The following GPR39 variants were observed in gnomAD, a reference collection of about 807,000 sequenced individuals.
The protein encoded by GPR39 is G protein-coupled receptor 39, also known as zinc sensing receptor.
GPR39 carries 23 observed loss-of-function variants against 18.4 expected under a neutral mutation model. The ratio of observed to expected loss-of-function variants is 1.25; its 90% confidence interval spans 0.90 to 1.77. The LOEUF is 1.77. Ranked by LOEUF, GPR39 falls within the 40% of genes most tolerant of loss-of-function variation. The probability of loss-of-function intolerance (pLI) is 0.00; values close to 1 mark genes in which losing one functional copy is unlikely to be tolerated. For missense variants in GPR39, 647 were observed against 602.4 expected (o/e 1.07, Z -0.78); for synonymous variants, 280 against 257.9 (o/e 1.09, Z -0.82).
At chr2:132,421,139 G>A (rs778743696) in intron 1 of GPR39, among the ~76,000 whole-genome samples, 1 of 152,186 alleles carries the variant, frequency 6.6e-6, no homozygotes, top group Non-Finnish European at 1.5e-5. Flanking sequence ...TCAATGATGA[G>A]GATGTGTAAA....
intron 1 of GPR39, among the ~76,000 whole-genome samples, chr2:132,558,447 C>CT (rs953330792): frequency 5.3e-5 from 8 of 152,196 alleles, no homozygotes; most frequent in South Asian, 4.2e-4. Flanking sequence ...AGGGTGCATA[C>CT]TTTTTTGCTG....
intron 1 of GPR39, among the ~76,000 whole-genome samples, chr2:132,600,921 AT>A (rs1681032315): frequency 6.6e-6 from 1 of 152,080 alleles, no homozygotes; most frequent in Admixed American, 6.5e-5. Context: ...CCAATAAGTA[AT>A]TTTTCTTCTC....
chr2:132,607,987 G>A (rs1192177159), intron 1 of GPR39, among the ~76,000 whole-genome samples: 1 of 152,076 alleles, frequency 6.6e-6, no homozygotes, highest in Non-Finnish European at 1.5e-5. Flanking sequence ...GCAATTCTCT[G>A]GTTTTGGGCC....
At chr2:132,578,623 G>C (rs926794677) in intron 1 of GPR39, among the ~76,000 whole-genome samples, 4 of 152,054 alleles carry the variant, frequency 2.6e-5, no homozygotes, top group African/African-American at 9.7e-5. Flanking sequence ...AGAAACACTA[G>C]TATTTTCTTT....
chr2:132,492,538 CACCATATATAT>C, intron 1 of GPR39, among the ~76,000 whole-genome samples: 1 of 140,258 alleles, frequency 7.1e-6, no homozygotes, highest in Non-Finnish European at 1.5e-5. Flanking sequence ...CATATATATA[CACCATATATAT>C]ACACCATATA....
rs1187578336 is a variant in GPR39, at chr2:132,645,682, A to C, written c.*76A>C. 1 of 1,526,810 alleles carries C rather than the reference A, an allele frequency of 6.5e-7. No homozygotes were observed. Among genetic ancestry groups the C allele is most frequent in the Non-Finnish European group, 8.8e-7 (1 of 1,137,230 alleles). 94.6% of individuals were successfully genotyped at this position (1,526,810 alleles called of 1,614,324 possible). Reference sequence around the variant, plus strand: ...AACGTCACTCTCACTCTGCAGTCTCAAACTATGCCCCCATCAGGGATGGAA... The same window carrying C: ...AACGTCACTCTCACTCTGCAGTCTCCAACTATGCCCCCATCAGGGATGGAA... On this transcript the variant is annotated 3_prime_UTR_variant, in exon 2 of 2. Transcript: ENST00000329321.
intron 1 of GPR39, among the ~76,000 whole-genome samples, chr2:132,519,948 T>C (rs947658742): frequency 6.6e-6 from 1 of 152,176 alleles, no homozygotes; most frequent in Admixed American, 6.5e-5. Flanking sequence ...CACTCACTGC[T>C]AAAAGCACTT....
chr2:132,634,054 TG>T (rs1169175940), intron 1 of GPR39, among the ~76,000 whole-genome samples: 1 of 150,918 alleles, frequency 6.6e-6, no homozygotes, highest in Non-Finnish European at 1.5e-5. Flanking sequence ...ATGATGATGG[TG>T]GGGGTGGCAG....
chr2:132,480,722 A>G (rs1681217717), intron 1 of GPR39, among the ~76,000 whole-genome samples: 1 of 152,178 alleles, frequency 6.6e-6, no homozygotes, highest in Non-Finnish European at 1.5e-5. Context: ...GTGGGGAGAT[A>G]AGGAGTTTGG....
intron 1 of GPR39, among the ~76,000 whole-genome samples, chr2:132,553,357 A>ATGTATATG (rs1680088313): frequency 6.7e-6 from 1 of 149,082 alleles, no homozygotes; most frequent in East Asian, 2.0e-4. Flanking sequence ...GTATATATAT[A>ATGTATATG]TGTATATATG....
At chr2:132,439,169 T>C (rs572960600) in intron 1 of GPR39, among the ~76,000 whole-genome samples, 17 of 152,332 alleles carry the variant, frequency 1.1e-4, no homozygotes, top group African/African-American at 4.1e-4. Flanking sequence ...GAAATTTGAT[T>C]TAAAGCAGCA....
chr2:132,592,844 G>A (rs1414072370), intron 1 of GPR39, among the ~76,000 whole-genome samples: 1 of 152,092 alleles, frequency 6.6e-6, no homozygotes, highest in Non-Finnish European at 1.5e-5. Context: ...CTGGGGTTGG[G>A]CCAGACCCTA....
intron 1 of GPR39, among the ~76,000 whole-genome samples, chr2:132,452,571 G>A (rs1211466541): frequency 6.6e-6 from 1 of 152,002 alleles, no homozygotes; most frequent in Non-Finnish European, 1.5e-5. Context: ...TTGGTTTGCT[G>A]CACCAATCAA....
intron 1 of GPR39, among the ~76,000 whole-genome samples, chr2:132,454,685 G>A (rs1166350849): frequency 1.1e-4 from 16 of 152,086 alleles, no homozygotes; most frequent in Admixed American, 2.0e-4. Context: ...AGAGTTTTTA[G>A]CATGATGGGT....
rs6705945 is a variant in GPR39, at chr2:132,544,767, C to G, written c.857-100334C>G. 1.6e-4 allele frequency among the ~76,000 whole-genome samples: 24 copies of G among 152,236 alleles called. 1 individual carries two copies. Among genetic ancestry groups the G allele is most frequent in the African/African-American group, 5.5e-4 (23 of 41,538 alleles). On this transcript the variant is annotated intron_variant, in intron 1 of 1. Coordinates refer to ENST00000329321, the MANE Select transcript of GPR39 (RefSeq NM_001508.3). Reference sequence around the variant, plus strand: ...AGAAGAATGAGGTTATACTGACAATCCAAAGGGTGAGAAGGGCAGAGGACA... The same window carrying G: ...AGAAGAATGAGGTTATACTGACAATGCAAAGGGTGAGAAGGGCAGAGGACA...
In GPR39 at chr2:132,591,588, A is replaced by G. The variant is rs1359561338; in HGVS notation, c.857-53513A>G. Reference sequence around the variant, plus strand: ...AGTACTCCTTAATAAACTCCCTTTCATGTATACATCTATCCTATTAGCTTT... The same window carrying G: ...AGTACTCCTTAATAAACTCCCTTTCGTGTATACATCTATCCTATTAGCTTT... On this transcript the variant is annotated intron_variant, in intron 1 of 1. Transcript: ENST00000329321. 2.6e-5 allele frequency among the ~76,000 whole-genome samples: 4 copies of G among 152,272 alleles called. No homozygotes were observed. In the East Asian group the frequency reaches 5.8e-4, roughly 22 times the overall value.
chr2:132,628,564 C>A lies in GPR39; in HGVS notation c.857-16537C>A, dbSNP rs548575812. 8.5e-4 allele frequency among the ~76,000 whole-genome samples: 130 copies of A among 152,338 alleles called. 1 individual carries two copies. Among genetic ancestry groups the A allele is most frequent in the African/African-American group, 3.0e-3 (126 of 41,582 alleles). The stretch of plus-strand genomic sequence containing the variant: ...GGCTTTAGAGCGACCTGAAACTACT[C>A]TATTCTATCTATGCACATCTTTCTG... On this transcript the variant is annotated intron_variant, in intron 1 of 1. Coordinates refer to ENST00000329321, the MANE Select transcript of GPR39 (RefSeq NM_001508.3).
Position 132,526,695 on chromosome 2 carries a change from T to C in GPR39, c.856+108797T>C, listed in dbSNP as rs115561715. 2.0e-3 allele frequency among the ~76,000 whole-genome samples: 300 copies of C among 152,282 alleles called. 1 individual carries two copies. The highest frequency in any genetic ancestry group is 7.0e-3 in the African/African-American group (291 of 41,574). On this transcript the variant is annotated intron_variant, in intron 1 of 1. Transcript: ENST00000329321. ...CTGGACTTTCTCTGCTGCCTTTCCATGTCCGTGGTGTGTAGGGAAAATGTC... is the reference window on the plus strand; with the variant it reads ...CTGGACTTTCTCTGCTGCCTTTCCACGTCCGTGGTGTGTAGGGAAAATGTC...
At chr2:132,539,184 G>A (rs1461385052) in intron 1 of GPR39, among the ~76,000 whole-genome samples, 1 of 152,128 alleles carries the variant, frequency 6.6e-6, no homozygotes, top group Non-Finnish European at 1.5e-5. Flanking sequence ...GGGCCCTGGT[G>A]GTGTAGATGC....
Sources: gnomAD v4.1 joint callset for allele counts (sites outside exome capture counted in the v4.1 genomes callset) on GRCh38, gnomAD v4.1.1 for gene constraint, MANE v1.5 for transcripts, NCBI Gene and HGNC (gene_info 2026-07-23, HGNC 2026-07-21) for gene names.